Variants in PCNT observed in about 807,000 individuals in gnomAD.
The protein encoded by PCNT is pericentrin.
In PCNT, 319 loss-of-function variants were observed where a neutral mutation model predicts 380.4. The observed-to-expected ratio is 0.84, with a 90% confidence interval of 0.77 to 0.92. The LOEUF (loss-of-function observed/expected upper bound fraction) is 0.92, where lower values mean the gene tolerates loss of function less well. Ranked by LOEUF, PCNT falls within the 40% of genes least tolerant of loss-of-function variation. The pLI, the probability that PCNT is intolerant of heterozygous loss-of-function variation, is 0.00. For synonymous variants in PCNT, 1,845 were observed against 1,735.2 expected, an observed-to-expected ratio of 1.06 and a Z score of -1.57; for missense variants, 4,400 against 4,255.3, an observed-to-expected ratio of 1.03 and a Z score of -0.95.
At chr21:46,444,647 C>CTTTTTT in intron 45 of PCNT, 47 bp from the exon 46 acceptor site, 1 of 1,471,846 alleles carries the variant, frequency 6.8e-7, no homozygotes, top group South Asian at 1.2e-5. Context: ...AAACTCAACT[C>CTTTTTT]TTTTTTTTTT....
chr21:46,431,465 G>GA (rs2087758773), intron 37 of PCNT, 64 bp from the exon 38 acceptor site: 1 of 1,612,830 alleles, frequency 6.2e-7, no homozygotes, highest in African/African-American at 1.3e-5. Flanking sequence ...ATGTGGACAG[G>GA]AAAACCATGT....
intron 38 of PCNT, among the ~76,000 whole-genome samples, chr21:46,434,002 C>G (rs1431095190): frequency 6.6e-6 from 1 of 152,150 alleles, no homozygotes; most frequent in African/African-American, 2.4e-5. Flanking sequence ...GTCTTGAACT[C>G]CTGACCTTGT....
intron 15 of PCNT, among the ~76,000 whole-genome samples, chr21:46,370,955 A>C (rs768045171): frequency 2.0e-5 from 3 of 152,198 alleles, no homozygotes; most frequent in Non-Finnish European, 4.4e-5. Flanking sequence ...GAGTGGTGTG[A>C]ACCCGGGAGG....
At chr21:46,356,728 G>T (rs552267429) in intron 12 of PCNT, among the ~76,000 whole-genome samples, 2 of 152,356 alleles carry the variant, frequency 1.3e-5, no homozygotes, top group East Asian at 1.9e-4. Context: ...TGGCTGTCGT[G>T]TGGGCCCAGG....
rs992091086 is a variant in PCNT at position 46,327,210 on chromosome 21, G to A, written c.267+621G>A. ...CAAGTAGCTGGGACTACAGGCGCCC[G>A]CCACCACGCCCGGCTAGTTTTTGTA... On this transcript the variant is annotated intron_variant, in intron 2 of 46. Coordinates refer to ENST00000359568, the MANE Select transcript of PCNT (RefSeq NM_006031.6). Among the ~76,000 whole-genome samples, 11 of 151,638 alleles carry A rather than the reference G, an allele frequency of 7.3e-5. No individual in the cohort carries two copies. The East Asian group carries it at 2.2e-3, about 30-fold the overall frequency.
At chr21:46,353,372 G>T (rs752755039) in intron 10 of PCNT, 46 bp downstream of exon 10, 1 of 1,501,278 alleles carries the variant, frequency 6.7e-7, no homozygotes, top group Non-Finnish European at 9.3e-7. Context: ...CCATACAGGG[G>T]CCAGGCTCTG....
intron 13 of PCNT, among the ~76,000 whole-genome samples, chr21:46,359,491 G>GTTTTTTTGTTTTTTTT (rs2084618655): frequency 3.0e-5 from 2 of 66,048 alleles, no homozygotes; most frequent in Non-Finnish European, 6.4e-5. Context: ...TTTTTTTTTT[G>GTTTTTTTGTTTTTTTT]TTTTTTTTTT....
chr21:46,346,468 G>A (rs969728788), intron 4 of PCNT, among the ~76,000 whole-genome samples: 5 of 152,168 alleles, frequency 3.3e-5, no homozygotes, highest in South Asian at 2.1e-4. Flanking sequence ...TGTCAGCTGC[G>A]AAGCCCCCTC....
intron 10 of PCNT, 96 bp downstream of exon 10, chr21:46,353,422 G>C: frequency 1.0e-6 from 1 of 986,698 alleles, no homozygotes; most frequent in Middle Eastern, 2.6e-4. Context: ...ATGCTAGTAG[G>C]CACCAATGGC....
chr21:46,377,941 G>C (rs148822947), intron 15 of PCNT, among the ~76,000 whole-genome samples: 398 of 152,052 alleles, frequency 2.6e-3, no homozygotes, highest in Non-Finnish European at 4.2e-3. Context: ...TGCCGTACCT[G>C]TGGGCGTCCT....
At position 46,370,432 on chromosome 21, in the gene PCNT, C is replaced by T. The variant is rs1006315158; in HGVS notation, c.3165+3293C>T. ...AGGCTGGGGCTCATCCTGGGTGTCG[C>T]GCTAGGCAGCTGGGGGGATAGTGAG... On this transcript the variant is annotated intron_variant, in intron 15 of 46. Coordinates refer to ENST00000359568, the MANE Select transcript of PCNT (RefSeq NM_006031.6). 6.7e-5 allele frequency among the ~76,000 whole-genome samples: 10 copies of T among 150,246 alleles called. 1 individual carries two copies. Among genetic ancestry groups the T allele is most frequent in the African/African-American group, 1.7e-4 (7 of 40,668 alleles).
At chr21:46,436,192 AC>A in intron 39 of PCNT, 44 bp downstream of exon 39, 10 of 1,598,362 alleles carry the variant, frequency 6.3e-6, no homozygotes, top group South Asian at 1.1e-5. Flanking sequence ...CCTTGCAGCC[AC>A]CCCTCTGTCC....
rs1055119912 is a variant in PCNT, at chr21:46,388,389, G to A, written c.3465-353G>A. ...TGGTGCACCCTGTGCTCCAGGGGAG[G>A]GGCGGAGCCTGTGTGCTGCTCCCGG... is the stretch of plus-strand genomic sequence containing the variant. On this transcript the variant is annotated intron_variant, in intron 17 of 46. Coordinates refer to ENST00000359568, the MANE Select transcript of PCNT (RefSeq NM_006031.6). This position sits in a 1 kb window ranked among gnomAD's most constrained non-coding sequence, Gnocchi z 4.2. Among the ~76,000 whole-genome samples the A allele has an allele frequency of 2.6e-5, 4 of 152,188 alleles. No homozygotes were observed. Among genetic ancestry groups the A allele is most frequent in the Admixed American group, 2.0e-4 (3 of 15,288 alleles).
chr21:46,391,196 G>A lies in PCNT; in HGVS notation c.4036G>A (p.Asp1346Asn), dbSNP rs777962503. Reference sequence around the variant, plus strand: ...TGAGGGATTCAAGGTGGAGACAGCAGATCTGAAGGAGGTGCTGGCCGGGAA... The same window carrying A: ...TGAGGGATTCAAGGTGGAGACAGCAAATCTGAAGGAGGTGCTGGCCGGGAA... The part of the protein sequence containing the change: ...TLEGFKVETA[D>N]LKEVLAGKED... Residue 1346 changes from aspartate (D) to asparagine (N), a missense_variant, in exon 21 of 47, where the codon GAT becomes AAT. Coordinates refer to ENST00000359568, the MANE Select transcript of PCNT (RefSeq NM_006031.6). The A allele has an allele frequency of 9.3e-6, 15 of 1,607,978 alleles. No individual in the cohort carries two copies. The highest frequency in any genetic ancestry group is 1.3e-5 in the Non-Finnish European group (15 of 1,177,538).
Position 46,366,870 on chromosome 21 carries a change from T to C in PCNT, c.2896T>C (p.Ser966Pro). ...DLGALETRHL[S>P]SLDSLESCYL... ...CGGCGCTCTGGAGACCAGACATCTG[T>C]CCAGCCTTGATTCTTTGGAATCCTG... The change falls in exon 15 of 47, where the codon TCC (serine) becomes CCC (proline). Residue 966 changes from serine (S) to proline (P), a missense_variant. By Grantham distance (74) the Ser-to-Pro change is moderately conservative. Coordinates refer to ENST00000359568, the MANE Select transcript of PCNT (RefSeq NM_006031.6). The C allele has an allele frequency of 1.2e-6, 2 of 1,614,144 alleles. No homozygotes were observed. Among genetic ancestry groups the C allele is most frequent in the South Asian group, 2.2e-5 (2 of 91,082 alleles).
Position 46,349,013 on chromosome 21 carries a change from C to A in PCNT, c.1034C>A (p.Thr345Asn), listed in dbSNP as rs991004720. 1.9e-6 allele frequency: 3 copies of A among 1,561,238 alleles called. No homozygotes were observed. The highest frequency in any genetic ancestry group is 1.1e-5 in the South Asian group (1 of 89,784). ...TAATTTTTTTTTCTTTTAAATTAGA[C>A]CCTGAAGGAAGATTGGGAATCTGAA... ...EMEKNAQIVK[T>N]LKEDWESEKD... The change falls in exon 7 of 47, where the codon ACC becomes AAC. Residue 345 changes from threonine to asparagine, a missense_variant and splice_region_variant. Thr to Asn is a moderately conservative substitution (Grantham distance 65). Coordinates refer to ENST00000359568, the MANE Select transcript of PCNT (RefSeq NM_006031.6).
chr21:46,338,111 T>A (rs2083809046), intron 3 of PCNT, among the ~76,000 whole-genome samples: 1 of 152,058 alleles, frequency 6.6e-6, no homozygotes, highest in East Asian at 1.9e-4. Flanking sequence ...ACTCTTGGGC[T>A]CAAGTGATCC....
intron 3 of PCNT, among the ~76,000 whole-genome samples, 182 bp from the exon 4 acceptor site, chr21:46,345,946 G>A (rs900394655): frequency 6.6e-6 from 1 of 152,194 alleles, no homozygotes; most frequent in Non-Finnish European, 1.5e-5. Flanking sequence ...GCCCACGTTT[G>A]TTCAACCATT....
chr21:46,384,035 T>G (rs1203119280), intron 16 of PCNT, among the ~76,000 whole-genome samples: 2 of 112,162 alleles, frequency 1.8e-5, no homozygotes, highest in Non-Finnish European at 3.7e-5. Context: ...TATTCAGTGA[T>G]GGAAGCACAT....
Sources: gnomAD v4.1 joint callset for allele counts (sites outside exome capture counted in the v4.1 genomes callset) on GRCh38, gnomAD v4.1.1 for gene constraint, Gnocchi (gnomAD v3.1) non-coding constraint, MANE v1.5 for transcripts, NCBI Gene and HGNC (gene_info 2026-07-23, HGNC 2026-07-21) for gene names.